The following PSG11 variants were observed in gnomAD, a reference collection of about 807,000 sequenced individuals.
PSG11 encodes pregnancy-specific beta-1-glycoprotein 11.
Under a neutral mutation model 36.0 loss-of-function variants are expected in PSG11, and 42 were observed. The observed-to-expected ratio is 1.17, with a 90% CI of 0.91 to 1.51. PSG11 has a LOEUF of 1.51. Among genes scored for constraint, PSG11 ranks in the 40% most tolerant of loss-of-function variants. PSG11 has a pLI of 0.00. For synonymous variants in PSG11, 206 were observed against 153.5 expected (o/e 1.34, Z -2.53); for missense variants, 558 against 403.5 (o/e 1.38, Z -3.28).
intron 3 of PSG11, among the ~76,000 whole-genome samples, chr19:43,016,561 C>T (rs1281608385): frequency 6.6e-6 from 1 of 151,446 alleles, no homozygotes; most frequent in Non-Finnish European, 1.5e-5. Flanking sequence ...GATGTTTCAG[C>T]AGAAATAACA....
chr19:43,015,636 G>C lies in PSG11; in HGVS notation c.710-266C>G, dbSNP rs1223011842. On this transcript the variant is annotated intron_variant, in intron 3 of 5. Transcript: ENST00000320078. ...TGTCTACCCAAGTTTTCCCAGGGCA[G>C]GGAGTCATGGCCACCTCGGATGTCC... 1.9e-5 allele frequency: 29 copies of C among 1,496,274 alleles called. 1 individual carries two copies. The highest frequency in any genetic ancestry group is 2.5e-5 in the Non-Finnish European group (28 of 1,119,250). The allele number at this position is 1,496,274 out of a possible 1,614,324, so 92.7% of individuals were successfully genotyped here.
chr19:43,015,346 A>T lies in PSG11; in HGVS notation c.734T>A (p.Phe245Tyr), dbSNP rs1345547430. The T allele has an allele frequency of 1.9e-6, 3 of 1,610,820 alleles. No individual in the cohort carries two copies. Among genetic ancestry groups the T allele is most frequent in the East Asian group, 2.2e-5 (1 of 44,796 alleles). The change falls in exon 4 of 6, where the codon TTC becomes TAC. Residue 245 changes from phenylalanine to tyrosine, a missense_variant. Coordinates refer to ENST00000320078, the MANE Select transcript of PSG11 (RefSeq NM_002785.3). ...TGAATAGTAAGAGGTGACTGAAGGG[A>T]AAATTCTGGGGAGGTCTGGACCATC... Reference protein sequence around the residue: ...LLHGPDLPRIFPSVTSYYSGE... With the variant: ...LLHGPDLPRIYPSVTSYYSGE...
intron 5 of PSG11, 187 bp from the exon 6 acceptor site, chr19:43,008,229 CAT>C (rs1410341969): frequency 3.9e-5 from 8 of 204,490 alleles, no homozygotes; most frequent in South Asian, 1.9e-4. Flanking sequence ...ACTATGGTAA[CAT>C]ATTTGATTTC....
Position 43,023,457 on chromosome 19 carries a change from G to T in PSG11, c.430+1234C>A, listed in dbSNP as rs141989594. Among the ~76,000 whole-genome samples the T allele has an allele frequency of 6.4e-3, 967 of 151,004 alleles. 33 individuals carry two copies. Among genetic ancestry groups the T allele is most frequent in the African/African-American group, 0.023 (933 of 40,916 alleles). ...CACTTTGGGAAACACAGAGTTTCAG[G>T]TTCAGTGATGGGGGTTAAGATCTGA... On this transcript the variant is annotated intron_variant, in intron 2 of 5. Coordinates refer to ENST00000320078, the MANE Select transcript of PSG11 (RefSeq NM_002785.3).
Position 43,016,719 on chromosome 19 carries a change from G to A in PSG11, c.710-1349C>T, listed in dbSNP as rs193263110. Among the ~76,000 whole-genome samples the A allele has an allele frequency of 2.1e-3, 324 of 151,632 alleles. 2 individuals are homozygous for A. Among genetic ancestry groups the A allele is most frequent in the African/African-American group, 7.7e-3 (319 of 41,206 alleles). ...GAGCAGAGCGCAAGGAATGATCTAG[G>A]AAGAGTGAAGGGGATAGGCAAGAGC... On this transcript the variant is annotated intron_variant, in intron 3 of 5. Transcript: ENST00000320078.
At chr19:43,015,394 C>A (rs1198579683) in intron 3 of PSG11, 24 bp from the exon 4 acceptor site, 2 of 1,597,192 alleles carry the variant, frequency 1.3e-6, no homozygotes, top group Admixed American at 1.7e-5. Context: ...AATAAAGCCA[C>A]AGTTGATGTC....
chr19:43,015,945 G>C lies in PSG11; in HGVS notation c.710-575C>G. 2 of 1,610,100 alleles carry C rather than the reference G, an allele frequency of 1.2e-6. 1 individual carries two copies. The highest frequency in any genetic ancestry group is 1.7e-6 in the Non-Finnish European group (2 of 1,179,048). On this transcript the variant is annotated intron_variant, in intron 3 of 5. Coordinates refer to ENST00000320078, the MANE Select transcript of PSG11 (RefSeq NM_002785.3). ...TCTGACAATTTAGCCACCAAATGTA[G>C]GCATAGTTCTCACTCTTAGGTTCAC...
chr19:43,024,831 C>A lies in PSG11; in HGVS notation c.290G>T (p.Gly97Val). 6.2e-7 allele frequency: 1 copy of A among 1,611,960 alleles called. No homozygotes were observed. The highest frequency in any genetic ancestry group is 1.1e-5 in the South Asian group (1 of 90,822). The change falls in exon 2 of 6, where the codon GGA becomes GTA. Residue 97 changes from glycine to valine, a missense_variant. Physicochemically the swap from Gly to Val is moderately radical, Grantham distance 109 (BLOSUM62 -3). Transcript: ENST00000320078. ...TGCATTGGAATATACTGTTTCTCGT[C>A]CACTGTATGCCGGTCCATATATAAT... The part of the protein sequence containing the change: ...QIIIYGPAYS[G>V]RETVYSNASL...
intron 2 of PSG11, 78 bp downstream of exon 2, chr19:43,024,613 A>T: frequency 6.2e-7 from 1 of 1,604,852 alleles, no homozygotes; most frequent in Non-Finnish European, 8.5e-7. Context: ...GGCAATGTCC[A>T]GGCCTGACAA....
rs924732189 is a variant in PSG11, at chr19:43,023,881, A to G, written c.430+810T>C. The stretch of plus-strand genomic sequence containing the variant: ...ACAGTCACCTGACCTAATGCTTGGC[A>G]CAGTGGAGGTGTTCACACAAGCAGC... On this transcript the variant is annotated intron_variant, in intron 2 of 5. Coordinates refer to ENST00000320078, the MANE Select transcript of PSG11 (RefSeq NM_002785.3). Among the ~76,000 whole-genome samples, 2 of 151,414 alleles carry G rather than the reference A, an allele frequency of 1.3e-5. 1 individual carries two copies. Among genetic ancestry groups the G allele is most frequent in the Admixed American group, 1.3e-4 (2 of 15,164 alleles).
At position 43,018,521 on chromosome 19, in the gene PSG11, C is replaced by T. The variant is rs993841823; in HGVS notation, c.709+249G>A. ...GTGTTCACTGATCTGGAGCCTGAGA[C>T]ATTCACCTGTTTCTCCCATCACAAT... On this transcript the variant is annotated intron_variant, in intron 3 of 5. Transcript: ENST00000320078. 7 of 885,282 alleles carry T rather than the reference C, an allele frequency of 7.9e-6. No homozygotes were observed. The African/African-American group carries it at 1.0e-4, about 13-fold the overall frequency. The allele number at this position is 885,282 out of a possible 1,614,324, so 54.8% of individuals were successfully genotyped here. A position where few individuals can be genotyped will look rare whatever the true frequency, so the allele number is the denominator to read the frequency against.
rs1966923243 is a variant in PSG11, at chr19:43,015,047, G to C, written c.964+69C>G. On this transcript the variant is annotated intron_variant, in intron 4 of 5. Coordinates refer to ENST00000320078, the MANE Select transcript of PSG11 (RefSeq NM_002785.3). ...AGGCTGGGAATAAAAATGTTTTCCT[G>C]ACTCTTCTCTGAAAGCTAGATAGAC... is the stretch of plus-strand genomic sequence containing the variant. 1.9e-6 allele frequency: 3 copies of C among 1,609,258 alleles called. 1 individual carries two copies. The highest frequency in any genetic ancestry group is 3.3e-5 in the Admixed American group (2 of 59,776).
At chr19:43,021,554 T>A (rs1599679169) in intron 2 of PSG11, among the ~76,000 whole-genome samples, 1 of 151,380 alleles carries the variant, frequency 6.6e-6, no homozygotes, top group Non-Finnish European at 1.5e-5. Context: ...GCTTTAACCA[T>A]GTTAGCCAGG....
Position 43,026,304 on chromosome 19 carries a change from C to T in PSG11, c.64+5G>A. ...CTGTCCTCTCCCAGGAAGTTCTCTC[C>T]TCACCTGTGAGCAGGAGCCCCTTCC... is the stretch of plus-strand genomic sequence containing the variant. On this transcript the variant is annotated splice_donor_5th_base_variant and intron_variant, in intron 1 of 5. Transcript: ENST00000320078. 6.2e-7 allele frequency: 1 copy of T among 1,610,626 alleles called. No homozygotes were observed.
At position 43,007,891 on chromosome 19, in the gene PSG11, G is replaced by A. The variant is rs1973969578; in HGVS notation, c.*192C>T. The A allele has an allele frequency of 2.6e-6, 1 of 377,978 alleles. No individual in the cohort carries two copies. The highest frequency in any genetic ancestry group is 2.1e-5 in the African/African-American group (1 of 47,540). The allele number at this position is 377,978 out of a possible 1,614,324, so 23.4% of individuals were successfully genotyped here. On this transcript the variant is annotated 3_prime_UTR_variant, in exon 6 of 6. Transcript: ENST00000320078. ...TTATCCTTTTGTTATTTAGTCCAATGAAATGGAGTTCTTTTCTTCTTTGTC... is the reference window on the plus strand; with the variant it reads ...TTATCCTTTTGTTATTTAGTCCAATAAAATGGAGTTCTTTTCTTCTTTGTC...
chr19:43,023,609 G>C (rs1050386742), intron 2 of PSG11, among the ~76,000 whole-genome samples: 3 of 151,362 alleles, frequency 2.0e-5, no homozygotes, highest in Admixed American at 6.6e-5. Context: ...CCTAAGAAGA[G>C]AGGATTTGAG....
chr19:43,018,366 C>G (rs1967017256), intron 3 of PSG11: 1 of 347,206 alleles, frequency 2.9e-6, no homozygotes, highest in African/African-American at 2.1e-5. Context: ...GGCATCCAGG[C>G]CATCTGGAGC....
At chr19:43,025,402 C>T in intron 1 of PSG11, 1 of 275,312 alleles carries the variant, frequency 3.6e-6, no homozygotes, top group Non-Finnish European at 6.7e-6. Flanking sequence ...CATCCTTAGA[C>T]TTCTTTCCTG....
intron 2 of PSG11, among the ~76,000 whole-genome samples, chr19:43,021,375 A>G: frequency 6.6e-6 from 1 of 151,104 alleles, no homozygotes; most frequent in Admixed American, 6.6e-5. Flanking sequence ...ATTTTTTCTG[A>G]GAGAGACTCT....
Sources: gnomAD v4.1 joint callset for allele counts (sites outside exome capture counted in the v4.1 genomes callset) on GRCh38, gnomAD v4.1.1 for gene constraint, MANE v1.5 for transcripts, NCBI Gene and HGNC (gene_info 2026-07-23, HGNC 2026-07-21) for gene names.